The following TECTA variants were observed in gnomAD, a reference collection of about 807,000 sequenced individuals.
TECTA encodes alpha-tectorin.
A neutral mutation model predicts 216.8 loss-of-function variants in TECTA; 128 were observed. The observed-to-expected ratio is 0.59, with a 90% CI of 0.51 to 0.68. TECTA has a LOEUF of 0.68. Ranked by LOEUF, TECTA falls within the 30% of genes least tolerant of loss-of-function variation. The pLI, the probability that TECTA is intolerant of heterozygous loss-of-function variation, is 0.00. For missense variants in TECTA, 2,551 were observed against 2,786.2 expected (o/e 0.92, Z 1.90); for synonymous variants, 1,089 against 1,117.1 (o/e 0.97, Z 0.50).
At chr11:121,174,019 A>G (rs1470120957) in intron 20 of TECTA, among the ~76,000 whole-genome samples, 31 of 151,984 alleles carry the variant, frequency 2.0e-4, no homozygotes, top group African/African-American at 6.8e-4. Flanking sequence ...AAGAATGCTT[A>G]TGATTTTTGT....
intron 18 of TECTA, among the ~76,000 whole-genome samples, 187 bp from the exon 19 acceptor site, chr11:121,167,867 G>A (rs573576486): frequency 6.6e-6 from 1 of 152,150 alleles, no homozygotes; most frequent in Non-Finnish European, 1.5e-5. Context: ...GGGTGCTGCT[G>A]ATATCTATTG....
chr11:121,154,284 C>A (rs1357110632), intron 13 of TECTA, among the ~76,000 whole-genome samples: 1 of 152,166 alleles, frequency 6.6e-6, no homozygotes. Context: ...GAAATGTGGA[C>A]ATTACCCTCA....
At chr11:121,165,191 C>A in intron 16 of TECTA, 82 bp from the exon 17 acceptor site, 1 of 1,320,074 alleles carries the variant, frequency 7.6e-7, no homozygotes, top group Non-Finnish European at 1.1e-6. Flanking sequence ...ATTAAAGTGG[C>A]AAGTCTGGAG....
At chr11:121,138,147 G>A in intron 11 of TECTA, 125 bp downstream of exon 11, 1 of 1,344,368 alleles carries the variant, frequency 7.4e-7, no homozygotes, top group South Asian at 1.3e-5. Flanking sequence ...TATTAAAGCA[G>A]AGAGAGGCCC....
intron 4 of TECTA, chr11:121,109,875 C>A (rs940407435): frequency 3.9e-6 from 1 of 259,452 alleles, no homozygotes; most frequent in Non-Finnish European, 7.5e-6. Flanking sequence ...TTCTCTTGCC[C>A]GAGGTACAAG....
At chr11:121,167,944 A>T (rs1947071286) in intron 18 of TECTA, 110 bp from the exon 19 acceptor site, 1 of 1,305,510 alleles carries the variant, frequency 7.7e-7, no homozygotes, top group Non-Finnish European at 1.1e-6. Context: ...TGGCCTCTAA[A>T]TTATGTATGG....
rs876658017 is a variant in TECTA at position 121,187,921 on chromosome 11, T to C, written c.6089T>C (p.Ile2030Thr). The C allele has an allele frequency of 4.3e-6, 7 of 1,614,114 alleles. No individual in the cohort carries two copies. Among genetic ancestry groups the C allele is most frequent in the Middle Eastern group, 1.6e-4 (1 of 6,084 alleles). ...CRFHVTVFKF[I>T]GDYDEVHLHC... ...TTTCACGTCACCGTCTTTAAATTCATAGGGGATTACGACGAAGTTCACCTT... is the reference window on the plus strand; with the variant it reads ...TTTCACGTCACCGTCTTTAAATTCACAGGGGATTACGACGAAGTTCACCTT... The change falls in exon 21 of 24, where the codon ATA (isoleucine) becomes ACA (threonine). Residue 2030 changes from isoleucine to threonine, a missense_variant. Around this residue, in one of 3 missense-constraint regions of TECTA, gnomAD observed 58 missense variants for 105.9 expected, o/e 0.55. Transcript: ENST00000392793.
In TECTA at chr11:121,113,065, C is replaced by T; in HGVS notation, c.487-7C>T. On this transcript the variant is annotated splice_region_variant and splice_polypyrimidine_tract_variant and intron_variant, in intron 4 of 23. Coordinates refer to ENST00000392793, the MANE Select transcript of TECTA (RefSeq NM_005422.4). The surrounding 1 kb of genome is among the most constrained non-coding windows in gnomAD (Gnocchi z 4.2). ...AAGTCATGAGACTGCGCATTCCCAT[C>T]CTGTAGGTGAACACCTTCCAGGCCG... 1.9e-6 allele frequency: 3 copies of T among 1,614,082 alleles called. No homozygotes were observed. The highest frequency in any genetic ancestry group is 2.5e-6 in the Non-Finnish European group (3 of 1,180,006).
intron 7 of TECTA, among the ~76,000 whole-genome samples, chr11:121,120,226 G>A (rs773260783): frequency 2.0e-5 from 3 of 151,942 alleles, no homozygotes; most frequent in South Asian, 2.1e-4. Context: ...CTAATTTTGC[G>A]TGACTCTGTT....
At chr11:121,138,873 CATT>C (rs991773625) in intron 11 of TECTA, among the ~76,000 whole-genome samples, 7 of 152,198 alleles carry the variant, frequency 4.6e-5, no homozygotes, top group Non-Finnish European at 7.3e-5. Flanking sequence ...GCCTTCTTGA[CATT>C]ATTATCACAG....
At position 121,121,213 on chromosome 11, in the gene TECTA, G is replaced by A. The variant is rs11604544; in HGVS notation, c.1203+2495G>A. Among the ~76,000 whole-genome samples the A allele has an allele frequency of 4.3e-3, 651 of 152,310 alleles. 4 individuals carry two copies. Among genetic ancestry groups the A allele is most frequent in the African/African-American group, 0.014 (596 of 41,562 alleles). On this transcript the variant is annotated intron_variant, in intron 7 of 23. Transcript: ENST00000392793. The stretch of plus-strand genomic sequence containing the variant: ...GCCACAGGGCAATGTCCAGTACAAA[G>A]CCTGGCACACAGTAGGTGCTCGGTG...
At chr11:121,156,954 G>A (rs1946947574) in intron 13 of TECTA, among the ~76,000 whole-genome samples, 1 of 152,102 alleles carries the variant, frequency 6.6e-6, no homozygotes, top group Admixed American at 6.5e-5. Flanking sequence ...GGTGTTCTTT[G>A]GATCTTTCAC....
chr11:121,180,697 T>C (rs1307027552), intron 20 of TECTA, among the ~76,000 whole-genome samples: 5 of 152,128 alleles, frequency 3.3e-5, no homozygotes, highest in African/African-American at 1.2e-4. Flanking sequence ...TTTCATTAAA[T>C]AGGTTTTCTA....
chr11:121,180,941 G>A (rs1177155910), intron 20 of TECTA, among the ~76,000 whole-genome samples: 2 of 151,904 alleles, frequency 1.3e-5, no homozygotes, highest in African/African-American at 2.4e-5. Context: ...GCCGAAGCGG[G>A]TGGATCATGA....
intron 10 of TECTA, among the ~76,000 whole-genome samples, chr11:121,130,662 T>C (rs1946665287): frequency 1.3e-5 from 2 of 152,190 alleles, no homozygotes; most frequent in South Asian, 4.1e-4. Flanking sequence ...GAGAGTCCTG[T>C]GTTGCTGGCT....
At chr11:121,137,195 C>T (rs769153571) in intron 10 of TECTA, among the ~76,000 whole-genome samples, 4 of 152,020 alleles carry the variant, frequency 2.6e-5, no homozygotes, top group Admixed American at 6.6e-5. Context: ...GGCACTCATA[C>T]GTACACACAC....
intron 13 of TECTA, among the ~76,000 whole-genome samples, chr11:121,153,286 C>T (rs950096653): frequency 6.6e-6 from 1 of 152,134 alleles, no homozygotes; most frequent in East Asian, 1.9e-4. Context: ...TGGAAAAACA[C>T]CTGAGTGTCT....
rs529455804 is a variant in TECTA, at chr11:121,114,538, C to T, written c.790+820C>T. Among the ~76,000 whole-genome samples, 245 of 152,066 alleles carry T rather than the reference C, an allele frequency of 1.6e-3. 2 individuals are homozygous for T. The highest frequency in any genetic ancestry group is 4.2e-3 in the African/African-American group (175 of 41,408). ...CAGAAATTAGAAGAAGGAAATAATG[C>T]CTCTGTTCATTAGTCCATCCACCCA... On this transcript the variant is annotated intron_variant, in intron 6 of 23. Coordinates refer to ENST00000392793, the MANE Select transcript of TECTA (RefSeq NM_005422.4).
At chr11:121,160,996 A>G (rs1170471370) in intron 15 of TECTA, among the ~76,000 whole-genome samples, 1 of 152,248 alleles carries the variant, frequency 6.6e-6, no homozygotes, top group African/African-American at 2.4e-5. Context: ...AGGGCCCCTC[A>G]GGGCTGCTGA....
Sources: gnomAD v4.1 joint callset for allele counts (sites outside exome capture counted in the v4.1 genomes callset) on GRCh38, gnomAD v4.1.1 for gene constraint, gnomAD v4.1.1 regional missense constraint, Gnocchi (gnomAD v3.1) non-coding constraint, MANE v1.5 for transcripts, NCBI Gene and HGNC (gene_info 2026-07-23, HGNC 2026-07-21) for gene names.